The following KIF26B variants were observed in gnomAD, a reference collection of about 807,000 sequenced individuals.
KIF26B encodes kinesin-like protein KIF26B.
A neutral mutation model predicts 151.2 loss-of-function variants in KIF26B; 63 were observed. The ratio of observed to expected loss-of-function variants is 0.42; its 90% CI spans 0.34 to 0.51. KIF26B has a LOEUF of 0.51. Ranked by LOEUF, KIF26B falls within the 20% of genes least tolerant of loss-of-function variation. The pLI is 0.07. For missense variants in KIF26B, 2,813 were observed against 2,913.6 expected, an observed-to-expected ratio of 0.97 and a Z score of 0.79; for synonymous variants, 1,357 against 1,262.1, an observed-to-expected ratio of 1.08 and a Z score of -1.59.
At chr1:245,636,292 C>T (rs188117994) in intron 9 of KIF26B, among the ~76,000 whole-genome samples, 1 of 151,904 alleles carries the variant, frequency 6.6e-6, no homozygotes, top group African/African-American at 2.4e-5. Context: ...GAACATGAGC[C>T]ACATAAATTT....
chr1:245,198,411 A>C (rs559670397), intron 2 of KIF26B, among the ~76,000 whole-genome samples: 286 of 152,372 alleles, frequency 1.9e-3, no homozygotes, highest in Admixed American at 3.1e-3. Flanking sequence ...AAAGTGATTA[A>C]AACAGAGTGT....
intron 3 of KIF26B, among the ~76,000 whole-genome samples, chr1:245,394,005 G>A (rs556586888): frequency 5.9e-5 from 9 of 152,290 alleles, no homozygotes; most frequent in Non-Finnish European, 1.2e-4. Flanking sequence ...TAGCTCCACC[G>A]TTGTCCTCAC....
intron 2 of KIF26B, among the ~76,000 whole-genome samples, chr1:245,225,541 A>G (rs1669856784): frequency 6.6e-6 from 1 of 152,146 alleles, no homozygotes; most frequent in Non-Finnish European, 1.5e-5. Flanking sequence ...CCATGTAATG[A>G]TTCCTGTTGG....
At chr1:245,338,192 T>C (rs534965194) in intron 2 of KIF26B, among the ~76,000 whole-genome samples, 28 of 152,360 alleles carry the variant, frequency 1.8e-4, no homozygotes, top group African/African-American at 6.3e-4. Flanking sequence ...GAAGTTACTC[T>C]AGCAAGATTC....
At chr1:245,332,548 CTG>C (rs1335047131) in intron 2 of KIF26B, among the ~76,000 whole-genome samples, 11 of 152,318 alleles carry the variant, frequency 7.2e-5, no homozygotes, top group African/African-American at 2.6e-4. Context: ...TTTCTCTCCC[CTG>C]TTGGTTTCAG....
chr1:245,322,043 A>T (rs1671895610), intron 2 of KIF26B, among the ~76,000 whole-genome samples: 1 of 152,268 alleles, frequency 6.6e-6, no homozygotes, highest in African/African-American at 2.4e-5. Flanking sequence ...ATGCAGCCAT[A>T]GAAAAGAATG....
intron 2 of KIF26B, among the ~76,000 whole-genome samples, chr1:245,366,008 C>G (rs1672940730): frequency 6.6e-6 from 1 of 152,188 alleles, no homozygotes; most frequent in African/African-American, 2.4e-5. Flanking sequence ...GTACTTAGCA[C>G]ACAATGCTGA....
chr1:245,619,360 G>A (rs374780414), intron 9 of KIF26B, among the ~76,000 whole-genome samples: 8 of 152,246 alleles, frequency 5.3e-5, no homozygotes, highest in East Asian at 1.9e-4. Context: ...ATGATTCTCT[G>A]CTCTCGAACT....
intron 2 of KIF26B, among the ~76,000 whole-genome samples, chr1:245,339,978 A>T (rs921181421): frequency 6.6e-6 from 1 of 150,990 alleles, no homozygotes; most frequent in African/African-American, 2.4e-5. Flanking sequence ...GGTTTGAACA[A>T]CCTCCCTACC....
At chr1:245,666,791 G>A (rs182615577) in intron 10 of KIF26B, among the ~76,000 whole-genome samples, 12 of 152,094 alleles carry the variant, frequency 7.9e-5, no homozygotes, top group South Asian at 4.2e-4. Context: ...CAAATATCCC[G>A]TTGGGATCAA....
At chr1:245,672,955 C>T (rs2044306901) in intron 10 of KIF26B, among the ~76,000 whole-genome samples, 1 of 152,180 alleles carries the variant, frequency 6.6e-6, no homozygotes, top group Admixed American at 6.5e-5. Flanking sequence ...CTTTGGAGAA[C>T]ATTAGAGGGA....
rs1271674063 is a variant in KIF26B, at chr1:245,607,739, A to G, written c.1646A>G (p.Lys549Arg). The change falls in exon 7 of 15, where the codon AAA (lysine) becomes AGA (arginine). Residue 549 changes from lysine to arginine, a missense_variant. By Grantham distance (26) the Lys-to-Arg change is conservative (BLOSUM62 2). Transcript: ENST00000407071. ...TGCGTGTTCTGTTTCGGCCACGCCAAACTGGGTTCGTGAGAGTTTCACTTT... is the reference window on the plus strand; with the variant it reads ...TGCGTGTTCTGTTTCGGCCACGCCAGACTGGGTTCGTGAGAGTTTCACTTT... Reference protein sequence around the residue: ...DGCVFCFGHAKLGKSYTMIGK... With the variant: ...DGCVFCFGHARLGKSYTMIGK... The G allele has an allele frequency of 1.2e-6, 2 of 1,611,430 alleles. No homozygotes were observed. The highest frequency in any genetic ancestry group is 1.3e-5 in the African/African-American group (1 of 75,028).
At chr1:245,472,334 C>T (rs1313798489) in intron 4 of KIF26B, among the ~76,000 whole-genome samples, 3 of 152,148 alleles carry the variant, frequency 2.0e-5, no homozygotes, top group African/African-American at 7.2e-5. Context: ...AAAACCTTCA[C>T]CAGTGGACTC....
chr1:245,255,745 T>C (rs1670520546), intron 2 of KIF26B, among the ~76,000 whole-genome samples: 1 of 152,236 alleles, frequency 6.6e-6, no homozygotes, highest in South Asian at 2.1e-4. Flanking sequence ...ATATTATAGA[T>C]GCAAAATCTC....
intron 2 of KIF26B, among the ~76,000 whole-genome samples, chr1:245,303,325 A>G (rs903777132): frequency 1.3e-5 from 2 of 148,922 alleles, no homozygotes; most frequent in South Asian, 4.3e-4. Context: ...CAGCCTCCCG[A>G]GTAGCTGGGA....
At chr1:245,454,129 G>A (rs1235501104) in intron 4 of KIF26B, among the ~76,000 whole-genome samples, 1 of 152,082 alleles carries the variant, frequency 6.6e-6, no homozygotes, top group East Asian at 1.9e-4. Context: ...TGAGATCCTA[G>A]GGCTCCATTT....
intron 3 of KIF26B, among the ~76,000 whole-genome samples, chr1:245,400,154 G>A (rs1673959354): frequency 2.0e-5 from 3 of 152,060 alleles, no homozygotes; most frequent in South Asian, 2.1e-4. Flanking sequence ...ATTTTCTGAG[G>A]GTGCAATTTT....
At chr1:245,463,549 G>A (rs567466263) in intron 4 of KIF26B, among the ~76,000 whole-genome samples, 208 of 152,306 alleles carry the variant, frequency 1.4e-3, no homozygotes, top group African/African-American at 4.4e-3. Context: ...TATTTGGATC[G>A]TTGGGAAGTG....
At chr1:245,212,745 C>T (rs1669565578) in intron 2 of KIF26B, among the ~76,000 whole-genome samples, 1 of 152,234 alleles carries the variant, frequency 6.6e-6, no homozygotes, top group Non-Finnish European at 1.5e-5. Flanking sequence ...CCGAGTCAGC[C>T]GTGTGCTCGA....
Sources: allele counts gnomAD v4.1 joint callset (sites outside exome capture counted in the v4.1 genomes callset), GRCh38; gene constraint gnomAD v4.1.1; transcripts MANE v1.5; gene names NCBI Gene and HGNC (gene_info 2026-07-23, HGNC 2026-07-21).